The following CDH17 variants were observed in gnomAD, a reference collection of about 807,000 sequenced individuals.
CDH17 encodes the protein cadherin 17.
Under a neutral mutation model 86.3 loss-of-function variants are expected in CDH17, and 67 were observed. That is an observed-to-expected ratio of 0.78 (90% CI 0.64 to 0.95). The LOEUF is 0.95. Among genes scored for constraint, CDH17 ranks in the 40% least tolerant of loss-of-function variants. CDH17 has a pLI of 0.00. For synonymous variants in CDH17, 367 were observed against 366.4 expected (o/e 1.00, Z -0.02); for missense variants, 993 against 1,017.6 (o/e 0.98, Z 0.33).
upstream of CDH17, among the ~76,000 whole-genome samples, chr8:94,212,586 G>A (rs976174930): frequency 6.6e-6 from 1 of 151,246 alleles, no homozygotes; most frequent in African/African-American, 2.4e-5. Flanking sequence ...TGAATCACTA[G>A]TTCTAAGTAA....
At chr8:94,194,089 G>C (rs534641912) in intron 2 of CDH17, among the ~76,000 whole-genome samples, 1 of 152,106 alleles carries the variant, frequency 6.6e-6, no homozygotes, top group South Asian at 2.1e-4. Context: ...TCAAGGGTGA[G>C]GACTCCCCAG....
At chr8:94,199,062 TATATATATATATATATATA>T (rs1415930870) in intron 1 of CDH17, among the ~76,000 whole-genome samples, 596 of 22,228 alleles carry the variant, frequency 0.027, 15 homozygotes, top group African/African-American at 0.068. Flanking sequence ...TATATATATA[TATATATATATATATATATA>T]TATTTTTTTT....
upstream of CDH17, among the ~76,000 whole-genome samples, chr8:94,210,092 G>A (rs557825370): frequency 6.6e-6 from 1 of 152,002 alleles, no homozygotes; most frequent in Admixed American, 6.6e-5. Context: ...ACACAGAGAG[G>A]TTTTATTTCT....
chr8:94,149,217 A>G (rs1812812197), intron 13 of CDH17, among the ~76,000 whole-genome samples: 1 of 152,154 alleles, frequency 6.6e-6, no homozygotes, highest in Non-Finnish European at 1.5e-5. Context: ...CAAAAACTCA[A>G]ATTAAAGTAA....
At chr8:94,167,195 G>A (rs1482856560) in intron 9 of CDH17, among the ~76,000 whole-genome samples, 2 of 152,134 alleles carry the variant, frequency 1.3e-5, no homozygotes, top group African/African-American at 2.4e-5. Context: ...TTATTCCTGT[G>A]AGGGTTTCAG....
Position 94,173,873 on chromosome 8 carries a change from T to C in CDH17, c.707A>G (p.Glu236Gly). Residue 236 changes from glutamate to glycine, a missense_variant, in exon 7 of 18, where the codon GAG becomes GGG. Glu to Gly is a moderately conservative substitution (Grantham distance 98, BLOSUM62 -2). Coordinates refer to ENST00000027335, the MANE Select transcript of CDH17 (RefSeq NM_004063.4). ...DTTSVDIIVT[E>G]NIWKAPKPVE... ...AGGTTTTGGTGCTTTCCAAATATTC[T>C]CTGTCACTATGATATCCACAGATGT... The C allele has an allele frequency of 6.2e-7, 1 of 1,613,940 alleles. No individual in the cohort carries two copies. Among genetic ancestry groups the C allele is most frequent in the Non-Finnish European group, 8.5e-7 (1 of 1,179,854 alleles).
intron 15 of CDH17, among the ~76,000 whole-genome samples, chr8:94,140,258 A>C (rs1358289743): frequency 6.6e-6 from 1 of 152,024 alleles, no homozygotes; most frequent in Non-Finnish European, 1.5e-5. Flanking sequence ...CCCCATCTCT[A>C]CAAAAAATTT....
chr8:94,164,212 C>T (rs1340327758), intron 10 of CDH17, among the ~76,000 whole-genome samples: 1 of 152,198 alleles, frequency 6.6e-6, no homozygotes, highest in Non-Finnish European at 1.5e-5. Context: ...ATTCATCCTT[C>T]AAAGCCCAGC....
At chr8:94,210,951 G>T (rs1814112564), upstream of CDH17, among the ~76,000 whole-genome samples, 1 of 151,150 alleles carries the variant, frequency 6.6e-6, no homozygotes, top group Non-Finnish European at 1.5e-5. Flanking sequence ...AACCTGGGAG[G>T]TGGAGGTTGC....
At chr8:94,164,903 C>T (rs76140869) in intron 10 of CDH17, among the ~76,000 whole-genome samples, 15,745 of 152,108 alleles carry the variant, frequency 0.1, 2,724 homozygotes, top group African/African-American at 0.36. Flanking sequence ...TCAAAGGTTC[C>T]TGTGACCCAA....
rs186242973 is a variant in CDH17, at chr8:94,202,724, C to T, written c.-21+5759G>A. The T allele has an allele frequency of 2.3e-3, 363 of 156,970 alleles. 3 individuals carry two copies. Among genetic ancestry groups the T allele is most frequent in the Admixed American group, 8.1e-3 (124 of 15,342 alleles). The allele number at this position is 156,970 out of a possible 1,614,324, so 9.7% of individuals were successfully genotyped here. On this transcript the variant is annotated intron_variant, in intron 1 of 17. Coordinates refer to ENST00000027335, the MANE Select transcript of CDH17 (RefSeq NM_004063.4). ...TGGCTGGACAGCTTTTGAGGCACAT[C>T]TCTGTTGGATAATATCAAGGCATTT...
intron 11 of CDH17, among the ~76,000 whole-genome samples, chr8:94,160,400 T>C (rs1813030028): frequency 6.6e-6 from 1 of 152,220 alleles, no homozygotes; most frequent in Non-Finnish European, 1.5e-5. Flanking sequence ...GGTAGGATTC[T>C]AAAACAAATT....
chr8:94,170,717 T>C, intron 8 of CDH17, 137 bp downstream of exon 8: 1 of 1,357,712 alleles, frequency 7.4e-7, no homozygotes, highest in Admixed American at 2.3e-5. Context: ...AATTATCATG[T>C]CTTTGAAAAC....
At chr8:94,168,142 ATATATATATATAT>A (rs1813198952) in intron 9 of CDH17, among the ~76,000 whole-genome samples, 1 of 53,314 alleles carries the variant, frequency 1.9e-5, no homozygotes, top group Non-Finnish European at 4.1e-5. Context: ...ATATATATAT[ATATATATATATAT>A]ATTTGTGTGT....
chr8:94,140,922 C>A (rs1812624135), intron 15 of CDH17, among the ~76,000 whole-genome samples: 1 of 152,054 alleles, frequency 6.6e-6, no homozygotes, highest in African/African-American at 2.4e-5. Context: ...GCTTTACTGG[C>A]AAATTCTTTC....
At chr8:94,196,525 C>T (rs1369860106) in intron 1 of CDH17, among the ~76,000 whole-genome samples, 1 of 152,062 alleles carries the variant, frequency 6.6e-6, no homozygotes, top group Non-Finnish European at 1.5e-5. Flanking sequence ...GCCAACATGG[C>T]GAGACCCCCA....
chr8:94,191,814 T>C (rs572185758), intron 2 of CDH17, among the ~76,000 whole-genome samples: 4 of 152,294 alleles, frequency 2.6e-5, no homozygotes, highest in African/African-American at 9.6e-5. Flanking sequence ...ATCTCCTCCT[T>C]TCTAAGTTTA....
chr8:94,176,731 A>G (rs766014293), intron 4 of CDH17, 52 bp from the exon 5 acceptor site: 2 of 1,548,292 alleles, frequency 1.3e-6, no homozygotes, highest in Non-Finnish European at 1.8e-6. Context: ...TTCATGTCAC[A>G]TGCCCAAAAA....
chr8:94,189,250 T>A lies in CDH17; in HGVS notation c.87A>T (p.Gly29=), dbSNP rs774629083. The A allele has an allele frequency of 3.1e-6, 5 of 1,612,554 alleles. No homozygotes were observed. Among genetic ancestry groups the A allele is most frequent in the South Asian group, 1.1e-5 (1 of 90,710 alleles). The change falls in exon 3 of 18, where the codon GGA becomes GGT. Residue 29 remains glycine, a synonymous_variant. Transcript: ENST00000027335. ...TAGAAAATGTCATGGGTTTCAGGGGTCCACTAAACTTCCCCTCTTGGCCAT... is the reference window on the plus strand; with the variant it reads ...TAGAAAATGTCATGGGTTTCAGGGGACCACTAAACTTCCCCTCTTGGCCAT... The part of the protein sequence containing the change: ...TGYGQEGKFS[G]PLKPMTFSIY...
Sources: allele counts gnomAD v4.1 joint callset (sites outside exome capture counted in the v4.1 genomes callset), GRCh38; gene constraint gnomAD v4.1.1; transcripts MANE v1.5; gene names NCBI Gene and HGNC (gene_info 2026-07-23, HGNC 2026-07-21).